Variants in SLIT2 observed in about 807,000 individuals in gnomAD.
The protein encoded by SLIT2 is slit guidance ligand 2.
Under a neutral mutation model 185.7 loss-of-function variants are expected in SLIT2, and 41 were observed. That is an observed-to-expected ratio of 0.22 (90% confidence interval 0.17 to 0.29). The LOEUF (loss-of-function observed/expected upper bound fraction) is 0.29. Among genes scored for constraint, SLIT2 ranks in the 10% least tolerant of loss-of-function variants. The pLI, the probability that SLIT2 is intolerant of heterozygous loss-of-function variation, is 1.00. For synonymous variants in SLIT2, 693 were observed against 680.2 expected (o/e 1.02, Z -0.29); for missense variants, 1,571 against 1,909.0 (o/e 0.82, Z 3.30).
At chr4:20,571,462 A>T (rs1391790165) in intron 29 of SLIT2, among the ~76,000 whole-genome samples, 1 of 152,152 alleles carries the variant, frequency 6.6e-6, no homozygotes, top group African/African-American at 2.4e-5. Context: ...TTTTGTGCAC[A>T]CATGAAATGA....
chr4:20,317,261 G>A (rs1240357984), intron 4 of SLIT2, among the ~76,000 whole-genome samples: 1 of 151,054 alleles, frequency 6.6e-6, no homozygotes, highest in African/African-American at 2.4e-5. Flanking sequence ...AATTTATATA[G>A]ACAAAAATGC....
rs368142395 is a variant in SLIT2 at position 20,399,221 on chromosome 4, ATAG to A, written c.396-68527_396-68525del. Among the ~76,000 whole-genome samples, 639 of 151,860 alleles carry A rather than the reference ATAG, an allele frequency of 4.2e-3. 3 individuals are homozygous for A. Among genetic ancestry groups the A allele is most frequent in the African/African-American group, 0.013 (543 of 41,508 alleles). On this transcript the variant is annotated intron_variant, in intron 4 of 36. Transcript: ENST00000504154. ...TATGCTATGGCTGGATTATAAAATAATAGTAGCATAATATAATTTTTCACAATT... is the reference window on the plus strand; with the variant it reads ...TATGCTATGGCTGGATTATAAAATAATAGCATAATATAATTTTTCACAATT...
chr4:20,576,728 C>G (rs1726111717), intron 29 of SLIT2, among the ~76,000 whole-genome samples: 1 of 152,024 alleles, frequency 6.6e-6, no homozygotes, highest in African/African-American at 2.4e-5. Flanking sequence ...GCACTTTAAT[C>G]TCAAAAAAAA....
chr4:20,326,035 C>A (rs77798918), intron 4 of SLIT2, among the ~76,000 whole-genome samples: 1 of 152,072 alleles, frequency 6.6e-6, no homozygotes, highest in Admixed American at 6.6e-5. Flanking sequence ...TTGTTCACCC[C>A]GATTTACTAT....
chr4:20,613,194 C>T (rs1239074913), intron 34 of SLIT2, among the ~76,000 whole-genome samples: 1 of 152,150 alleles, frequency 6.6e-6, no homozygotes, highest in African/African-American at 2.4e-5. Flanking sequence ...CATAAAGACA[C>T]AGGCATGCAT....
intron 4 of SLIT2, among the ~76,000 whole-genome samples, chr4:20,336,277 A>C (rs1720489584): frequency 6.6e-6 from 1 of 152,214 alleles, no homozygotes; most frequent in Admixed American, 6.5e-5. Context: ...ACTTGCAACC[A>C]ACCCAAATGT....
At chr4:20,463,467 A>ATATAT (rs1713962644) in intron 4 of SLIT2, among the ~76,000 whole-genome samples, 1 of 83,616 alleles carries the variant, frequency 1.2e-5, no homozygotes, top group Non-Finnish European at 2.5e-5. Context: ...ATATATATAT[A>ATATAT]TATATATATA....
intron 4 of SLIT2, among the ~76,000 whole-genome samples, chr4:20,434,501 G>A (rs951446304): frequency 1.3e-5 from 2 of 151,904 alleles, no homozygotes; most frequent in Non-Finnish European, 1.5e-5. Flanking sequence ...AAAAGAAAAA[G>A]AAGAAGAAAA....
chr4:20,291,200 G>T (rs1289761759), intron 4 of SLIT2, among the ~76,000 whole-genome samples: 6 of 151,990 alleles, frequency 3.9e-5, no homozygotes, highest in Non-Finnish European at 8.8e-5. Flanking sequence ...TCTTGCACTT[G>T]TGTGATGTTC....
At chr4:20,459,567 G>C (rs116764641) in intron 4 of SLIT2, among the ~76,000 whole-genome samples, 1 of 152,096 alleles carries the variant, frequency 6.6e-6, no homozygotes, top group Admixed American at 6.5e-5. Context: ...TGTATGCAGC[G>C]TGTAGTTCAG....
chr4:20,567,420 G>A lies in SLIT2; in HGVS notation c.2850+34G>A, dbSNP rs373084292. 9 of 1,612,820 alleles carry A rather than the reference G, an allele frequency of 5.6e-6. No individual in the cohort carries two copies. In the African/African-American group the frequency reaches 1.1e-4, roughly 19 times the overall value. On this transcript the variant is annotated intron_variant, in intron 27 of 36. Coordinates refer to ENST00000504154, the MANE Select transcript of SLIT2 (RefSeq NM_004787.4). ...AAGCACTTTAAGAGTCACAGTTTGA[G>A]AGCATAACTTTTCTTGGTGTGCCTT... is the stretch of plus-strand genomic sequence containing the variant.
At chr4:20,429,607 G>A (rs1728818918) in intron 4 of SLIT2, among the ~76,000 whole-genome samples, 1 of 152,192 alleles carries the variant, frequency 6.6e-6, no homozygotes, top group South Asian at 2.1e-4. Flanking sequence ...AGAGGGTCAT[G>A]GGATGGAGTG....
chr4:20,580,760 TACA>T (rs1726492391), intron 29 of SLIT2, among the ~76,000 whole-genome samples: 1 of 152,186 alleles, frequency 6.6e-6, no homozygotes, highest in African/African-American at 2.4e-5. Flanking sequence ...AGAGCTAATC[TACA>T]CTACTGTGCT....
In SLIT2 at chr4:20,568,410, A is replaced by AT. The variant is rs111996466; in HGVS notation, c.2949-445dup. The stretch of plus-strand genomic sequence containing the variant: ...AAGGAAGACAAAATTTTGTTTTCGG[A>AT]TTTTTTTTTTCAAAACATCAAGGAC... On this transcript the variant is annotated intron_variant, in intron 28 of 36. Coordinates refer to ENST00000504154, the MANE Select transcript of SLIT2 (RefSeq NM_004787.4). 8.7e-3 allele frequency among the ~76,000 whole-genome samples: 1,306 copies of AT among 150,262 alleles called. 20 individuals carry two copies. The highest frequency in any genetic ancestry group is 0.029 in the African/African-American group (1,189 of 41,058).
intron 4 of SLIT2, among the ~76,000 whole-genome samples, chr4:20,443,582 TAAAAAA>T (rs71653885): frequency 3.2e-5 from 2 of 63,058 alleles, no homozygotes; most frequent in African/African-American, 6.2e-5. Flanking sequence ...GGAGAAAATC[TAAAAAA>T]AAAAAAAAAA....
chr4:20,612,975 A>G (rs1404032810), intron 34 of SLIT2, among the ~76,000 whole-genome samples: 1 of 152,100 alleles, frequency 6.6e-6, no homozygotes, highest in Admixed American at 6.6e-5. Context: ...ACCAGTGAGA[A>G]TGGCTATTAT....
intron 26 of SLIT2, among the ~76,000 whole-genome samples, chr4:20,555,870 T>G (rs1724212775): frequency 6.6e-6 from 1 of 151,972 alleles, no homozygotes; most frequent in Admixed American, 6.6e-5. Flanking sequence ...TTAAACTGTA[T>G]TTTCTCCTTG....
intron 4 of SLIT2, among the ~76,000 whole-genome samples, chr4:20,357,736 A>G (rs1298075919): frequency 6.6e-6 from 1 of 152,114 alleles, no homozygotes; most frequent in Non-Finnish European, 1.5e-5. Flanking sequence ...AAAATTAGTT[A>G]TTAGACTTTG....
intron 4 of SLIT2, among the ~76,000 whole-genome samples, chr4:20,282,195 C>G (rs1448548144): frequency 1.3e-5 from 2 of 152,080 alleles, no homozygotes; most frequent in Non-Finnish European, 1.5e-5. Flanking sequence ...AAGCCATACT[C>G]TAATTTAAAA....
Sources: gnomAD v4.1 joint callset for allele counts (sites outside exome capture counted in the v4.1 genomes callset) on GRCh38, gnomAD v4.1.1 for gene constraint, MANE v1.5 for transcripts, NCBI Gene and HGNC (gene_info 2026-07-23, HGNC 2026-07-21) for gene names.